ELMO1: variants seen among roughly 807,000 people sequenced by gnomAD.
The protein encoded by ELMO1 is engulfment and cell motility 1.
Under a neutral mutation model 98.9 loss-of-function variants are expected in ELMO1, and 26 were observed. The observed-to-expected ratio is 0.26, with a 90% CI of 0.19 to 0.36. The LOEUF (loss-of-function observed/expected upper bound fraction) is 0.36, where lower values mean the gene tolerates loss of function less well. Ranked by LOEUF, ELMO1 falls within the 10% of genes least tolerant of loss-of-function variation. ELMO1 has a pLI of 1.00. For synonymous variants in ELMO1, 346 were observed against 346.0 expected, an observed-to-expected ratio of 1.00 and a Z score of 0.00; for missense variants, 627 against 935.2, an observed-to-expected ratio of 0.67 and a Z score of 4.30.
chr7:37,122,160 C>T (rs190432294), intron 14 of ELMO1, among the ~76,000 whole-genome samples: 6,303 of 152,160 alleles, frequency 0.041, 155 homozygotes, highest in Non-Finnish European at 0.062. Context: ...AAGGAACAAC[C>T]GGTACCAGCC....
intron 15 of ELMO1, among the ~76,000 whole-genome samples, chr7:37,016,360 T>G (rs1793929041): frequency 6.6e-6 from 1 of 152,192 alleles, no homozygotes; most frequent in African/African-American, 2.4e-5. Context: ...CATCCTCATT[T>G]TATATATGAG....
At chr7:37,423,989 A>T (rs1182263263) in intron 1 of ELMO1, among the ~76,000 whole-genome samples, 1 of 152,154 alleles carries the variant, frequency 6.6e-6, no homozygotes, top group Non-Finnish European at 1.5e-5. Context: ...CTGGGTGGTC[A>T]TCCTTGGACC....
chr7:37,341,136 G>C (rs79199554), intron 2 of ELMO1, among the ~76,000 whole-genome samples: 7 of 6,696 alleles, frequency 1.0e-3, no homozygotes, highest in African/African-American at 2.5e-3. Context: ...ATGTGCTTTC[G>C]GGTGATGCCC....
intron 15 of ELMO1, among the ~76,000 whole-genome samples, chr7:37,057,483 G>T (rs1202017926): frequency 6.6e-6 from 1 of 151,784 alleles, no homozygotes; most frequent in Non-Finnish European, 1.5e-5. Context: ...TAAGCCATCA[G>T]GTTCTCATGA....
At chr7:37,040,272 C>T (rs1279364019) in intron 15 of ELMO1, among the ~76,000 whole-genome samples, 3 of 152,066 alleles carry the variant, frequency 2.0e-5, no homozygotes, top group African/African-American at 7.2e-5. Flanking sequence ...TAAATAAAGC[C>T]AAACAAATAG....
intron 8 of ELMO1, 94 bp from the exon 9 acceptor site, chr7:37,225,124 A>T: frequency 6.8e-7 from 1 of 1,466,164 alleles, no homozygotes; most frequent in Non-Finnish European, 9.4e-7. Context: ...GAACTCATTT[A>T]AGAAACACCA....
chr7:37,089,356 T>C (rs996293626), intron 15 of ELMO1, among the ~76,000 whole-genome samples: 3 of 152,116 alleles, frequency 2.0e-5, no homozygotes, highest in African/African-American at 7.2e-5. Context: ...TTGCTTTTTT[T>C]TAAAAAAAAA....
chr7:37,250,650 G>A (rs1375476597), intron 6 of ELMO1, among the ~76,000 whole-genome samples: 2 of 151,980 alleles, frequency 1.3e-5, no homozygotes, highest in Admixed American at 6.6e-5. Context: ...AAATTAGCCG[G>A]GTGTGGTGGC....
At chr7:37,124,714 G>A (rs1786368018) in intron 14 of ELMO1, among the ~76,000 whole-genome samples, 1 of 152,092 alleles carries the variant, frequency 6.6e-6, no homozygotes, top group South Asian at 2.1e-4. Context: ...TACTGCTCAA[G>A]GTAATTTATA....
At chr7:36,898,849 G>A (rs1445829242) in intron 16 of ELMO1, among the ~76,000 whole-genome samples, 2 of 152,210 alleles carry the variant, frequency 1.3e-5, no homozygotes, top group African/African-American at 4.8e-5. Flanking sequence ...CTGGGACAGT[G>A]GAAAGACACA....
At chr7:37,412,281 G>A (rs190152822) in intron 1 of ELMO1, among the ~76,000 whole-genome samples, 42 of 152,322 alleles carry the variant, frequency 2.8e-4, no homozygotes, top group African/African-American at 9.4e-4. Context: ...TCTATTCTCA[G>A]GAGCCAGGGC....
chr7:36,942,424 G>A (rs1787120778), intron 16 of ELMO1, among the ~76,000 whole-genome samples: 1 of 152,128 alleles, frequency 6.6e-6, no homozygotes, highest in Admixed American at 6.5e-5. Flanking sequence ...GAAATATAAA[G>A]TAATTACAAG....
At chr7:37,413,434 A>G (rs1381655764) in intron 1 of ELMO1, among the ~76,000 whole-genome samples, 1 of 152,234 alleles carries the variant, frequency 6.6e-6, no homozygotes, top group Non-Finnish European at 1.5e-5. Flanking sequence ...TACCTTACAC[A>G]TAGTGGGCTT....
chr7:37,196,019 C>G (rs1791944708), intron 13 of ELMO1, among the ~76,000 whole-genome samples: 2 of 152,176 alleles, frequency 1.3e-5, no homozygotes, highest in Admixed American at 6.5e-5. Flanking sequence ...TATCATGAAG[C>G]AGGAAGATGA....
chr7:37,309,915 A>T (rs567945699), intron 4 of ELMO1, among the ~76,000 whole-genome samples: 89 of 152,192 alleles, frequency 5.8e-4, no homozygotes, highest in Non-Finnish European at 1.1e-3. Flanking sequence ...TTACAGCTGG[A>T]TCTACCAAAG....
chr7:37,381,020 C>T (rs1006004245), intron 1 of ELMO1, among the ~76,000 whole-genome samples: 9 of 152,202 alleles, frequency 5.9e-5, no homozygotes, highest in Non-Finnish European at 1.2e-4. Flanking sequence ...TACTTGTTTA[C>T]AGTATGAGAC....
chr7:37,057,051 AT>A (rs1429845633), intron 15 of ELMO1, among the ~76,000 whole-genome samples: 1 of 152,236 alleles, frequency 6.6e-6, no homozygotes, highest in Non-Finnish European at 1.5e-5. Context: ...TAGGTATAAT[AT>A]AGAAAAGATG....
intron 16 of ELMO1, among the ~76,000 whole-genome samples, chr7:36,980,263 G>A (rs1043238271): frequency 2.6e-5 from 4 of 152,222 alleles, no homozygotes; most frequent in African/African-American, 9.6e-5. Context: ...ACATAAGAGA[G>A]GGATGAAAAA....
chr7:36,972,056 C>T (rs1427802742), intron 16 of ELMO1, among the ~76,000 whole-genome samples: 2 of 152,142 alleles, frequency 1.3e-5, no homozygotes, highest in African/African-American at 4.8e-5. Flanking sequence ...CCAACAATGG[C>T]AATGAACGTT....
Sources: allele counts gnomAD v4.1 joint callset (sites outside exome capture counted in the v4.1 genomes callset), GRCh38; gene constraint gnomAD v4.1.1; transcripts MANE v1.5; gene names NCBI Gene and HGNC (gene_info 2026-07-23, HGNC 2026-07-21).